KCNAB1: variants seen among roughly 807,000 people sequenced by gnomAD.
KCNAB1 encodes voltage-gated potassium channel subunit beta-1.
In KCNAB1, 35 loss-of-function variants were observed where a neutral mutation model predicts 64.6. That is an observed-to-expected ratio of 0.54 (90% CI 0.41 to 0.72). KCNAB1 has a LOEUF of 0.72. KCNAB1 is among the 30% of genes least tolerant of loss of function. The pLI is 0.00. For synonymous variants in KCNAB1, 177 were observed against 183.8 expected (o/e 0.96, Z 0.30); for missense variants, 401 against 512.9 (o/e 0.78, Z 2.11).
chr3:156,369,526 G>C (rs542996438), intron 1 of KCNAB1, among the ~76,000 whole-genome samples: 1 of 152,334 alleles, frequency 6.6e-6, no homozygotes, highest in Admixed American at 6.5e-5. Flanking sequence ...CACAGTTTGC[G>C]TAGCAAAGTT....
rs186843995 is a variant in KCNAB1 at position 156,443,417 on chromosome 3, G to A, written c.320-9482G>A. Reference sequence around the variant, plus strand: ...ATAGGGGCTGTGGGGAGGTAAAGGAGCATCATCACCAGGAATCAGCATGGG... The same window carrying A: ...ATAGGGGCTGTGGGGAGGTAAAGGAACATCATCACCAGGAATCAGCATGGG... On this transcript the variant is annotated intron_variant, in intron 2 of 13. Coordinates refer to ENST00000490337, the MANE Select transcript of KCNAB1 (RefSeq NM_172160.3). Among the ~76,000 whole-genome samples, 181 of 152,248 alleles carry A rather than the reference G, an allele frequency of 1.2e-3. 2 individuals carry two copies. Among genetic ancestry groups the A allele is most frequent in the Admixed American group, 6.4e-3 (98 of 15,300 alleles).
Position 156,139,584 on chromosome 3 carries a change from G to GTTTTTTTTTTTTT in KCNAB1, c.275+18712_275+18724dup, listed in dbSNP as rs386398329. On this transcript the variant is annotated intron_variant, in intron 1 of 13. Transcript: ENST00000490337. ...TTTCTCCCTAACTCCATTGTACTGT[G>GTTTTTTTTTTTTT]TTTTTTTTTTTTTTTTTTTTTTTTT... Among the ~76,000 whole-genome samples, 47 of 55,254 alleles carry GTTTTTTTTTTTTT rather than the reference G, an allele frequency of 8.5e-4. 5 individuals are homozygous for GTTTTTTTTTTTTT. Among genetic ancestry groups the GTTTTTTTTTTTTT allele is most frequent in the African/African-American group, 3.0e-3 (40 of 13,222 alleles). 36.2% of individuals were successfully genotyped at this position (55,254 alleles called of 152,430 possible). A position where few individuals can be genotyped will look rare whatever the true frequency, so the allele number is the denominator to read the frequency against.
At chr3:156,378,657 T>C (rs1016346372) in intron 1 of KCNAB1, among the ~76,000 whole-genome samples, 11 of 152,188 alleles carry the variant, frequency 7.2e-5, no homozygotes, top group Non-Finnish European at 1.3e-4. Context: ...GTGCACTCAC[T>C]TCATCTCCCC....
In KCNAB1 at chr3:156,267,184, T is replaced by C. The variant is rs547340672; in HGVS notation, c.275+146298T>C. Among the ~76,000 whole-genome samples the C allele has an allele frequency of 1.3e-3, 191 of 152,340 alleles. 1 individual carries two copies. The highest frequency in any genetic ancestry group is 4.3e-3 in the African/African-American group (180 of 41,584). ...TGCCTATGTCAAAACAGTGTTACAC[T>C]GTACATATTATTTTGCGGGCTGCTT... On this transcript the variant is annotated intron_variant, in intron 1 of 13. Transcript: ENST00000490337.
intron 1 of KCNAB1, among the ~76,000 whole-genome samples, chr3:156,207,232 G>C (rs1714723970): frequency 1.3e-5 from 2 of 152,348 alleles, no homozygotes; most frequent in South Asian, 4.1e-4. Context: ...GTGGGTAGGA[G>C]TAGTGGGTAG....
intron 8 of KCNAB1, among the ~76,000 whole-genome samples, chr3:156,510,776 G>A (rs1717155547): frequency 6.6e-6 from 1 of 152,136 alleles, no homozygotes; most frequent in Non-Finnish European, 1.5e-5. Flanking sequence ...AATGTCCATG[G>A]CGTTCCACCC....
intron 1 of KCNAB1, among the ~76,000 whole-genome samples, chr3:156,334,053 A>T (rs151230698): frequency 1.3e-5 from 2 of 152,310 alleles, no homozygotes; most frequent in East Asian, 1.9e-4. Flanking sequence ...GGTTCGTGTC[A>T]TGCTTTAAAA....
chr3:156,281,994 T>G (rs1719757867), intron 1 of KCNAB1, among the ~76,000 whole-genome samples: 1 of 151,408 alleles, frequency 6.6e-6, no homozygotes, highest in Admixed American at 6.6e-5. Flanking sequence ...TAGTTATTTC[T>G]TGCTTTCTGC....
intron 8 of KCNAB1, among the ~76,000 whole-genome samples, chr3:156,501,252 C>T (rs185745587): frequency 6.6e-6 from 1 of 151,910 alleles, no homozygotes; most frequent in Non-Finnish European, 1.5e-5. Context: ...AAGAAGAAAC[C>T]ATTTAGAATA....
At chr3:156,357,159 G>GCGCGCACACACACACA (rs545909634) in intron 1 of KCNAB1, among the ~76,000 whole-genome samples, 11 of 147,314 alleles carry the variant, frequency 7.5e-5, no homozygotes, top group African/African-American at 2.7e-4. Context: ...ACATGTGCGC[G>GCGCGCACACACACACA]CACACACACA....
intron 1 of KCNAB1, among the ~76,000 whole-genome samples, chr3:156,420,285 C>A (rs936621726): frequency 6.6e-6 from 1 of 152,190 alleles, no homozygotes; most frequent in African/African-American, 2.4e-5. Flanking sequence ...GAAACTCAAC[C>A]CCGGAAAGAA....
Position 156,185,739 on chromosome 3 carries a change from AT to A in KCNAB1, c.275+64863del, listed in dbSNP as rs142995034. Among the ~76,000 whole-genome samples the A allele has an allele frequency of 9.3e-5, 14 of 150,256 alleles. No individual in the cohort carries two copies. In the East Asian group the frequency reaches 9.7e-4, roughly 10 times the overall value. On this transcript the variant is annotated intron_variant, in intron 1 of 13. Coordinates refer to ENST00000490337, the MANE Select transcript of KCNAB1 (RefSeq NM_172160.3). Reference sequence around the variant, plus strand: ...ACTTCCCATCCTCGATGATAGGAGTATTTTTTTTTTCTCGTATAGGGAGGAC... The same window carrying A: ...ACTTCCCATCCTCGATGATAGGAGTATTTTTTTTTCTCGTATAGGGAGGAC...
At chr3:156,412,303 GAC>G (rs1714723544) in intron 1 of KCNAB1, among the ~76,000 whole-genome samples, 1 of 151,954 alleles carries the variant, frequency 6.6e-6, no homozygotes, top group South Asian at 2.1e-4. Context: ...TTTCTACATA[GAC>G]AATCATATCT....
chr3:156,153,012 A>G (rs1715503715), intron 1 of KCNAB1, among the ~76,000 whole-genome samples: 1 of 152,210 alleles, frequency 6.6e-6, no homozygotes, highest in East Asian at 1.9e-4. Context: ...TGTGAATTCC[A>G]AAAGGGCAGG....
At chr3:156,339,424 G>A (rs930561407) in intron 1 of KCNAB1, among the ~76,000 whole-genome samples, 3 of 152,152 alleles carry the variant, frequency 2.0e-5, no homozygotes, top group Non-Finnish European at 4.4e-5. Flanking sequence ...CTTTACAACA[G>A]CCCTGGATGG....
rs201914001 is a variant in KCNAB1, at chr3:156,516,271, T to G, written c.867T>G (p.Gly289=). 3.7e-6 allele frequency: 6 copies of G among 1,612,530 alleles called. No individual in the cohort carries two copies. Among genetic ancestry groups the G allele is most frequent in the Non-Finnish European group, 3.4e-6 (4 of 1,178,534 alleles). Residue 289 remains glycine, a splice_region_variant and synonymous_variant, in exon 11 of 14, where the codon GGT becomes GGG. Coordinates refer to ENST00000490337, the MANE Select transcript of KCNAB1 (RefSeq NM_172160.3). Reference sequence around the variant, plus strand: ...CTTTCTAAGTTTTTTCTTCTGTAGGTGTTGGCGCAATGACATGGTCTCCAC... The same window carrying G: ...CTTTCTAAGTTTTTTCTTCTGTAGGGGTTGGCGCAATGACATGGTCTCCAC... ...VQLPELYHKI[G]VGAMTWSPLA...
In KCNAB1 at chr3:156,334,619, T is replaced by A. The variant is rs527913178; in HGVS notation, c.276-86997T>A. On this transcript the variant is annotated intron_variant, in intron 1 of 13. Coordinates refer to ENST00000490337, the MANE Select transcript of KCNAB1 (RefSeq NM_172160.3). ...AAGTGTATGATATTTCCTGGCACAG[T>A]GCCCAGCATCTAAAAGCTGCCCAAT... is the stretch of plus-strand genomic sequence containing the variant. Among the ~76,000 whole-genome samples, 3 of 152,368 alleles carry A rather than the reference T, an allele frequency of 2.0e-5. No individual in the cohort carries two copies. The East Asian group carries it at 5.8e-4, about 29-fold the overall frequency.
At chr3:156,316,926 A>T (rs901029892) in intron 1 of KCNAB1, among the ~76,000 whole-genome samples, 103 of 152,326 alleles carry the variant, frequency 6.8e-4, no homozygotes, top group African/African-American at 2.2e-3. Context: ...AAGCAAATGG[A>T]GAATAACCTG....
intron 1 of KCNAB1, among the ~76,000 whole-genome samples, chr3:156,395,308 G>T (rs1052691981): frequency 1.3e-5 from 2 of 149,742 alleles, no homozygotes; most frequent in African/African-American, 5.1e-5. Context: ...CACTTTGGGA[G>T]GCCGAGGCGG....
Sources: gnomAD v4.1 joint callset for allele counts (sites outside exome capture counted in the v4.1 genomes callset) on GRCh38, gnomAD v4.1.1 for gene constraint, MANE v1.5 for transcripts, NCBI Gene and HGNC (gene_info 2026-07-23, HGNC 2026-07-21) for gene names.